The following LCA5L variants were observed in gnomAD, a reference collection of about 807,000 sequenced individuals.
The protein encoded by LCA5L is lebercilin-like protein.
A neutral mutation model predicts 45.4 loss-of-function variants in LCA5L; 35 were observed. The ratio of observed to expected loss-of-function variants is 0.77; its 90% CI spans 0.59 to 1.02. The LOEUF is 1.02. Among genes scored for constraint, LCA5L ranks in the 50% least tolerant of loss-of-function variants. The pLI, the probability that LCA5L is intolerant of heterozygous loss-of-function variation, is 0.00. For missense variants in LCA5L, 668 were observed against 761.6 expected, an observed-to-expected ratio of 0.88 and a Z score of 1.45; for synonymous variants, 233 against 264.7, an observed-to-expected ratio of 0.88 and a Z score of 1.16.
At chr21:39,439,207 A>G (rs2076573072) in intron 2 of LCA5L, among the ~76,000 whole-genome samples, 1 of 152,176 alleles carries the variant, frequency 6.6e-6, no homozygotes, top group African/African-American at 2.4e-5. Context: ...GGCTTTCAAG[A>G]TGGAAGAAGG....
chr21:39,410,458 A>G (rs1601706499), intron 8 of LCA5L, 91 bp from the exon 9 acceptor site: 2 of 648,946 alleles, frequency 3.1e-6, no homozygotes, highest in East Asian at 5.7e-5. Context: ...ATGCAATGTA[A>G]TAATAAAGTA....
At chr21:39,445,571 G>A (rs1602035879) in intron 1 of LCA5L, 154 bp downstream of exon 1, 1 of 153,172 alleles carries the variant, frequency 6.5e-6, no homozygotes, top group East Asian at 1.9e-4. Context: ...AGGAAACGGC[G>A]GGGCGCCAGC....
intron 5 of LCA5L, among the ~76,000 whole-genome samples, chr21:39,425,298 T>G (rs1306070687): frequency 6.6e-6 from 1 of 152,210 alleles, no homozygotes; most frequent in East Asian, 1.9e-4. Flanking sequence ...GGAAAGGCAA[T>G]TCTACCTGTG....
intron 7 of LCA5L, among the ~76,000 whole-genome samples, chr21:39,413,541 G>A (rs115803683): frequency 2.0e-5 from 3 of 152,138 alleles, no homozygotes; most frequent in African/African-American, 7.2e-5. Context: ...CATAAAATTA[G>A]TTTATTATCA....
At chr21:39,407,417 A>G (rs955251933) in intron 10 of LCA5L, among the ~76,000 whole-genome samples, 1 of 152,208 alleles carries the variant, frequency 6.6e-6, no homozygotes, top group Non-Finnish European at 1.5e-5. Context: ...TGGCAGTATC[A>G]AGATTTTAGG....
intron 7 of LCA5L, among the ~76,000 whole-genome samples, chr21:39,414,566 A>G (rs578019318): frequency 2.6e-5 from 4 of 152,296 alleles, no homozygotes; most frequent in Middle Eastern, 3.4e-3. Flanking sequence ...ATGCTCTTCA[A>G]CAACCTCGTG....
At chr21:39,410,809 AC>A (rs1266383859) in intron 8 of LCA5L, 2 of 470,404 alleles carry the variant, frequency 4.3e-6, no homozygotes, top group Admixed American at 4.7e-5. Flanking sequence ...CATTTAAACA[AC>A]CCCTCGGTTG....
intron 1 of LCA5L, among the ~76,000 whole-genome samples, chr21:39,445,274 T>C (rs1192063791): frequency 6.6e-6 from 1 of 151,430 alleles, no homozygotes; most frequent in Admixed American, 6.6e-5. Flanking sequence ...ATGCCAGCGC[T>C]AAGGTTAGAA....
At chr21:39,418,647 G>A (rs574820093) in intron 7 of LCA5L, among the ~76,000 whole-genome samples, 17 of 152,104 alleles carry the variant, frequency 1.1e-4, no homozygotes, top group South Asian at 4.2e-4. Flanking sequence ...TTACAGGCAC[G>A]CATCACCATG....
intron 5 of LCA5L, among the ~76,000 whole-genome samples, chr21:39,425,110 A>C (rs145197678): frequency 1.3e-5 from 2 of 152,356 alleles, no homozygotes; most frequent in Non-Finnish European, 2.9e-5. Flanking sequence ...GTATTCATAT[A>C]TCTAGATTCG....
In LCA5L at chr21:39,420,736, C is replaced by T. The variant is rs1046727812; in HGVS notation, c.945G>A (p.Val315=). 8.1e-6 allele frequency: 13 copies of T among 1,612,668 alleles called. No individual in the cohort carries two copies. Among genetic ancestry groups the T allele is most frequent in the Admixed American group, 3.3e-5 (2 of 59,924 alleles). Residue 315 remains valine, a synonymous_variant, in exon 7 of 11, where the codon GTG becomes GTA. Transcript: ENST00000288350. ...GTTTTTGTTGAAGGTGTTTTACTTC[C>T]ACCTGCAGAGTCTTGGTAGCTGTCT... ...AAQTATKTLQ[V]EVKHLQQKLK...
intron 2 of LCA5L, among the ~76,000 whole-genome samples, chr21:39,440,097 G>A (rs944961395): frequency 9.9e-5 from 15 of 152,248 alleles, no homozygotes; most frequent in East Asian, 9.7e-4. Flanking sequence ...ATATGTGTGC[G>A]TGTATTTTTC....
rs368853857 is a variant in LCA5L at position 39,408,167 on chromosome 21, A to G, written c.1283-1555T>C. Among the ~76,000 whole-genome samples, 6 of 152,356 alleles carry G rather than the reference A, an allele frequency of 3.9e-5. No homozygotes were observed. The East Asian group carries it at 7.7e-4, about 20-fold the overall frequency. On this transcript the variant is annotated intron_variant, in intron 10 of 10. Transcript: ENST00000288350. The stretch of plus-strand genomic sequence containing the variant: ...GATCTCCCACGAGTGGTAATGTAAC[A>G]TGAAAACAATGAGCCACATCTTCAA...
At chr21:39,411,207 G>T (rs939377643) in intron 8 of LCA5L, 2 of 260,222 alleles carry the variant, frequency 7.7e-6, no homozygotes, top group Admixed American at 1.0e-4. Context: ...TGGTTGCCTC[G>T]GGTGAGGTAG....
At chr21:39,442,867 G>A (rs561406084) in intron 2 of LCA5L, among the ~76,000 whole-genome samples, 1 of 152,088 alleles carries the variant, frequency 6.6e-6, no homozygotes, top group Non-Finnish European at 1.5e-5. Context: ...AAAGCTGTGC[G>A]TGTGAATCTG....
At chr21:39,441,311 CA>C (rs201179102) in intron 2 of LCA5L, among the ~76,000 whole-genome samples, 144 of 151,346 alleles carry the variant, frequency 9.5e-4, no homozygotes, top group Non-Finnish European at 1.5e-3. Flanking sequence ...GTTTCAAAAC[CA>C]AAAAAAACCA....
At chr21:39,438,652 C>G (rs943965959) in intron 2 of LCA5L, 2 of 151,886 alleles carry the variant, frequency 1.3e-5, no homozygotes, top group Non-Finnish European at 2.9e-5. Flanking sequence ...CACAGAAAAC[C>G]AAGAGTTATA....
chr21:39,411,816 C>T lies in LCA5L; in HGVS notation c.976-14G>A. The T allele has an allele frequency of 6.7e-7, 1 of 1,490,250 alleles. No homozygotes were observed. The highest frequency in any genetic ancestry group is 2.3e-5 in the East Asian group (1 of 44,136). 92.3% of individuals were successfully genotyped at this position (1,490,250 alleles called of 1,614,324 possible). A position where few individuals can be genotyped will look rare whatever the true frequency, so the allele number is the denominator to read the frequency against. On this transcript the variant is annotated splice_polypyrimidine_tract_variant and intron_variant, in intron 7 of 10. Transcript: ENST00000288350. ...ACGATCCTTTTCCTAAAAAGAACCA[C>T]AAAACCAATTTTTCTATAAATGCTT... is the stretch of plus-strand genomic sequence containing the variant.
At chr21:39,440,533 CT>C (rs2076734038) in intron 2 of LCA5L, among the ~76,000 whole-genome samples, 1 of 151,894 alleles carries the variant, frequency 6.6e-6, no homozygotes, top group Non-Finnish European at 1.5e-5. Flanking sequence ...GAGACCCTGT[CT>C]CAAAAAAAAA....
Sources: gnomAD v4.1 joint callset for allele counts (sites outside exome capture counted in the v4.1 genomes callset) on GRCh38, gnomAD v4.1.1 for gene constraint, MANE v1.5 for transcripts, NCBI Gene and HGNC (gene_info 2026-07-23, HGNC 2026-07-21) for gene names.